Variants in AKAP11 observed in about 807,000 individuals in gnomAD.
AKAP11 encodes A-kinase anchoring protein 11.
Under a neutral mutation model 146.1 loss-of-function variants are expected in AKAP11, and 36 were observed. The ratio of observed to expected loss-of-function variants is 0.25; its 90% CI spans 0.19 to 0.33. The LOEUF (loss-of-function observed/expected upper bound fraction) is 0.33. AKAP11 is among the 10% of genes least tolerant of loss of function. The probability of loss-of-function intolerance (pLI) is 1.00; values close to 1 mark genes in which losing one functional copy is unlikely to be tolerated. For missense variants in AKAP11, 2,201 were observed against 2,197.0 expected (o/e 1.00, Z -0.04); for synonymous variants, 780 against 786.5 (o/e 0.99, Z 0.14).
rs114661745 is a variant in AKAP11 at position 42,279,926 on chromosome 13, T to C, written c.-99-6060T>C. Among the ~76,000 whole-genome samples, 1,420 of 152,342 alleles carry C rather than the reference T, an allele frequency of 9.3e-3. 24 individuals carry two copies. Among genetic ancestry groups the C allele is most frequent in the African/African-American group, 0.032 (1,323 of 41,580 alleles). ...CAGTTTTTAACGTAGTGCTGAATTATTGTCTCTACTAAGGCTGCTTCTACT... is the reference window on the plus strand; with the variant it reads ...CAGTTTTTAACGTAGTGCTGAATTACTGTCTCTACTAAGGCTGCTTCTACT... On this transcript the variant is annotated intron_variant, in intron 1 of 12. Transcript: ENST00000025301.
intron 1 of AKAP11, among the ~76,000 whole-genome samples, chr13:42,278,117 A>G (rs1958971761): frequency 6.6e-6 from 1 of 152,346 alleles, no homozygotes; most frequent in Middle Eastern, 3.4e-3. Flanking sequence ...ACAAAGACTT[A>G]TCTGACCCAA....
At chr13:42,297,902 C>T (rs1029377949) in intron 6 of AKAP11, among the ~76,000 whole-genome samples, 10 of 149,844 alleles carry the variant, frequency 6.7e-5, no homozygotes, top group South Asian at 4.2e-4. Flanking sequence ...GCTTTATTTG[C>T]TAGGATATAA....
intron 9 of AKAP11, among the ~76,000 whole-genome samples, chr13:42,312,839 GAAGA>G (rs1960627136): frequency 6.6e-6 from 1 of 152,168 alleles, no homozygotes; most frequent in Non-Finnish European, 1.5e-5. Flanking sequence ...GATCTGTTGA[GAAGA>G]AAGAAAAAAC....
At chr13:42,273,146 A>C (rs1333792328) in intron 1 of AKAP11, among the ~76,000 whole-genome samples, 1 of 152,210 alleles carries the variant, frequency 6.6e-6, no homozygotes, top group East Asian at 1.9e-4. Context: ...ATCGCTTGCA[A>C]AATGCTCGTT....
At chr13:42,281,780 C>A (rs1037523682) in intron 1 of AKAP11, among the ~76,000 whole-genome samples, 1 of 151,758 alleles carries the variant, frequency 6.6e-6, no homozygotes, top group African/African-American at 2.4e-5. Context: ...TGCTAATATG[C>A]CAGAACCTGT....
Position 42,303,153 on chromosome 13 carries a change from T to C in AKAP11, c.4407T>C (p.Ala1469=). Reference sequence around the variant, plus strand: ...TGGTTCACAGCATAACAAAAGATGCTAAGGAAGAGTTGACAGCCTCTCTAG... The same window carrying C: ...TGGTTCACAGCATAACAAAAGATGCCAAGGAAGAGTTGACAGCCTCTCTAG... The part of the protein sequence containing the change: ...TSLVHSITKD[A]KEELTASLVG... Residue 1469 remains alanine (A), a synonymous_variant, in exon 8 of 13, where the codon GCT becomes GCC. Coordinates refer to ENST00000025301, the MANE Select transcript of AKAP11 (RefSeq NM_016248.4). 1 of 1,614,182 alleles carries C rather than the reference T, an allele frequency of 6.2e-7. No individual in the cohort carries two copies. The highest frequency in any genetic ancestry group is 2.2e-5 in the East Asian group (1 of 44,886).
At position 42,319,155 on chromosome 13, in the gene AKAP11, A is replaced by G. The variant is rs375283935; in HGVS notation, c.5633A>G (p.Tyr1878Cys). 27 of 1,613,980 alleles carry G rather than the reference A, an allele frequency of 1.7e-5. No individual in the cohort carries two copies. The Middle Eastern group carries it at 4.9e-4, about 29-fold the overall frequency. Residue 1878 changes from tyrosine to cysteine, a missense_variant, in exon 13 of 13, where the codon TAT becomes TGT. Physicochemically the swap from Tyr to Cys is radical, Grantham distance 194. Transcript: ENST00000025301. ...CTCCTGCAGGCTGTGCTTCAATACT[A>G]TGAAGTGATGGAAAAAGCTTCCAGT... The part of the protein sequence containing the change: ...GDLLQAVLQY[Y>C]EVMEKASSEE...
intron 8 of AKAP11, among the ~76,000 whole-genome samples, chr13:42,305,220 A>ACAT (rs1375865437): frequency 6.6e-6 from 1 of 152,262 alleles, no homozygotes; most frequent in Non-Finnish European, 1.5e-5. Context: ...TAATTGAGTC[A>ACAT]CATGATATTC....
intron 1 of AKAP11, among the ~76,000 whole-genome samples, chr13:42,284,362 T>TAGGAGACC (rs1959126541): frequency 6.6e-6 from 1 of 152,212 alleles, no homozygotes; most frequent in African/African-American, 2.4e-5. Context: ...GGAGCCTTCT[T>TAGGAGACC]TGACAGTCTC....
In AKAP11 at chr13:42,299,729, G is replaced by A; in HGVS notation, c.983G>A (p.Ser328Asn). 9 of 1,613,928 alleles carry A rather than the reference G, an allele frequency of 5.6e-6. No homozygotes were observed. Among genetic ancestry groups the A allele is most frequent in the East Asian group, 2.2e-5 (1 of 44,880 alleles). ...TTGGATGAAGAGGGATATCAAAAAA[G>A]CTTAAAAGCAAAACTTGAGCTGCCT... ...IFLDEEGYQK[S>N]LKAKLELPKI... The change falls in exon 8 of 13, where the codon AGC (serine) becomes AAC (asparagine). Residue 328 changes from serine to asparagine, a missense_variant. Ser to Asn is a conservative substitution (Grantham distance 46). Coordinates refer to ENST00000025301, the MANE Select transcript of AKAP11 (RefSeq NM_016248.4).
chr13:42,315,922 A>G (rs548667990), intron 11 of AKAP11, among the ~76,000 whole-genome samples: 2 of 152,300 alleles, frequency 1.3e-5, no homozygotes, highest in South Asian at 4.1e-4. Flanking sequence ...ATGGTTAGAG[A>G]CTTCTCTAAA....
intron 1 of AKAP11, among the ~76,000 whole-genome samples, chr13:42,279,741 G>A (rs1437697467): frequency 6.6e-6 from 1 of 151,832 alleles, no homozygotes; most frequent in African/African-American, 2.4e-5. Flanking sequence ...TTGCATGCTT[G>A]GTAATTTTTA....
intron 1 of AKAP11, among the ~76,000 whole-genome samples, chr13:42,281,000 GT>G (rs1191339260): frequency 6.6e-6 from 1 of 152,102 alleles, no homozygotes; most frequent in Non-Finnish European, 1.5e-5. Context: ...TAGGGAGAAA[GT>G]TTTATTTACC....
In AKAP11 at chr13:42,274,599, G is replaced by A. The variant is rs540070229; in HGVS notation, c.-100+2371G>A. On this transcript the variant is annotated intron_variant, in intron 1 of 12. Coordinates refer to ENST00000025301, the MANE Select transcript of AKAP11 (RefSeq NM_016248.4). The stretch of plus-strand genomic sequence containing the variant: ...GTCGAGAGGCTGAGGCACAAGAATC[G>A]CTTGAGCCTGAGAGATGGGAGATTG... 4.0e-5 allele frequency among the ~76,000 whole-genome samples: 6 copies of A among 150,790 alleles called. No individual in the cohort carries two copies. The East Asian group carries it at 9.6e-4, about 24-fold the overall frequency.
At position 42,319,906 on chromosome 13, in the gene AKAP11, G is replaced by GGTAGGTGT. The variant is rs1555295200; in HGVS notation, c.*680_*681insAGGTGTGT. On this transcript the variant is annotated 3_prime_UTR_variant, in exon 13 of 13. Transcript: ENST00000025301. ...TGCTGCCAGTCATTCTGGCATGAAA[G>GGTAGGTGT]GTGTGTGTGTGTGTGTGTGTGTGTG... The GGTAGGTGT allele has an allele frequency of 7.5e-6, 1 of 132,662 alleles. No homozygotes were observed. Among genetic ancestry groups the GGTAGGTGT allele is most frequent in the Non-Finnish European group, 1.6e-5 (1 of 62,144 alleles). The allele number at this position is 132,662 out of a possible 1,614,324, so 8.2% of individuals were successfully genotyped here.
chr13:42,290,982 AAAAG>A (rs1335915642), intron 3 of AKAP11, among the ~76,000 whole-genome samples: 2 of 152,240 alleles, frequency 1.3e-5, no homozygotes, highest in African/African-American at 2.4e-5. Flanking sequence ...TTCAGTGGAA[AAAAG>A]GTAGTACATG....
chr13:42,301,082 C>A lies in AKAP11; in HGVS notation c.2336C>A (p.Ser779Tyr). The change falls in exon 8 of 13, where the codon TCT becomes TAT. Residue 779 changes from serine (S) to tyrosine (Y), a missense_variant. By Grantham distance (144) the Ser-to-Tyr change is moderately radical. Transcript: ENST00000025301. The part of the protein sequence containing the change: ...ALFCTSGIVT[S>Y]IPVPLAGSAL... ...TTTTGTACTTCTGGAATTGTTACTTCTATACCGGTGCCCTTGGCAGGAAGT... is the reference window on the plus strand; with the variant it reads ...TTTTGTACTTCTGGAATTGTTACTTATATACCGGTGCCCTTGGCAGGAAGT... 1 of 1,614,096 alleles carries A rather than the reference C, an allele frequency of 6.2e-7. No homozygotes were observed. The highest frequency in any genetic ancestry group is 1.1e-5 in the South Asian group (1 of 91,074).
chr13:42,313,150 T>G lies in AKAP11; in HGVS notation c.5357+20T>G. ...AGACAGGTTGGTCCAGTCTAGAAAC[T>G]TAAAAACTGATGAGTCTGTCACCAC... On this transcript the variant is annotated intron_variant, in intron 10 of 12. Coordinates refer to ENST00000025301, the MANE Select transcript of AKAP11 (RefSeq NM_016248.4). 2 of 1,572,024 alleles carry G rather than the reference T, an allele frequency of 1.3e-6. No homozygotes were observed. Among genetic ancestry groups the G allele is most frequent in the Non-Finnish European group, 1.7e-6 (2 of 1,149,240 alleles).
At position 42,302,595 on chromosome 13, in the gene AKAP11, C is replaced by T; in HGVS notation, c.3849C>T (p.Phe1283=). ...KIAKVRNCML[F]KQKKNSCYAD... ...CAAAAGTCCGAAATTGTATGCTTTT[C>T]AAGCAAAAGAAGAACAGTTGTTATG... The change falls in exon 8 of 13, where the codon TTC becomes TTT. Residue 1283 remains phenylalanine, a synonymous_variant. Transcript: ENST00000025301. The T allele has an allele frequency of 6.2e-7, 1 of 1,614,088 alleles. No homozygotes were observed. Among genetic ancestry groups the T allele is most frequent in the Non-Finnish European group, 8.5e-7 (1 of 1,180,014 alleles).
Sources: allele counts gnomAD v4.1 joint callset (sites outside exome capture counted in the v4.1 genomes callset), GRCh38; gene constraint gnomAD v4.1.1; transcripts MANE v1.5; gene names NCBI Gene and HGNC (gene_info 2026-07-23, HGNC 2026-07-21).